Variants in PLPPR1 observed in about 807,000 individuals in gnomAD.
PLPPR1 encodes the protein phospholipid phosphatase related 1.
A neutral mutation model predicts 33.1 loss-of-function variants in PLPPR1; 10 were observed. The ratio of observed to expected loss-of-function variants is 0.30; its 90% CI spans 0.19 to 0.51. The LOEUF (loss-of-function observed/expected upper bound fraction) is 0.51. Ranked by LOEUF, PLPPR1 falls within the 20% of genes least tolerant of loss-of-function variation. The pLI is 0.97. For missense variants in PLPPR1, 304 were observed against 408.1 expected (o/e 0.74, Z 2.20); for synonymous variants, 151 against 151.0 (o/e 1.00, Z 0.00).
intron 2 of PLPPR1, among the ~76,000 whole-genome samples, chr9:101,243,246 GGGA>G (rs1297472689): frequency 1.3e-5 from 2 of 151,916 alleles, no homozygotes; most frequent in African/African-American, 4.8e-5. Flanking sequence ...GTAGGGAGTT[GGGA>G]TTTTTATCCT....
chr9:101,291,029 A>G (rs1055626760), intron 4 of PLPPR1, among the ~76,000 whole-genome samples: 27 of 152,324 alleles, frequency 1.8e-4, no homozygotes, highest in African/African-American at 6.3e-4. Flanking sequence ...TCCCTTTCCT[A>G]GTCAAAGAAA....
intron 1 of PLPPR1, among the ~76,000 whole-genome samples, chr9:101,140,401 G>A (rs945294109): frequency 2.3e-5 from 3 of 128,496 alleles, no homozygotes; most frequent in African/African-American, 8.1e-5. Flanking sequence ...AGCCAGCAAG[G>A]ATAAAATAGC....
chr9:101,291,557 A>G (rs1828509125), intron 4 of PLPPR1, among the ~76,000 whole-genome samples: 1 of 152,204 alleles, frequency 6.6e-6, no homozygotes, highest in Non-Finnish European at 1.5e-5. Context: ...GGGCAGACTG[A>G]CACCTCACAC....
intron 1 of PLPPR1, among the ~76,000 whole-genome samples, chr9:101,110,836 G>A (rs1251088701): frequency 6.6e-6 from 1 of 152,106 alleles, no homozygotes; most frequent in African/African-American, 2.4e-5. Flanking sequence ...AGTTTATAAA[G>A]AGCCTTAAGA....
At chr9:101,053,186 TC>T (rs1403971016) in intron 1 of PLPPR1, among the ~76,000 whole-genome samples, 1 of 152,146 alleles carries the variant, frequency 6.6e-6, no homozygotes, top group Non-Finnish European at 1.5e-5. Context: ...TGCCTACGCT[TC>T]CCATTTCAGT....
intron 1 of PLPPR1, among the ~76,000 whole-genome samples, chr9:101,166,466 CATTCAGACATTAAAGAAAGACAATTAGTA>C (rs1431938617): frequency 2.0e-5 from 3 of 152,092 alleles, no homozygotes; most frequent in East Asian, 1.9e-4. Context: ...CTTAGTAATA[CATTCAGACATTAAAGAAAGACAATTAGTA>C]ATTCAGACAT....
At chr9:101,127,639 G>A (rs944396757) in intron 1 of PLPPR1, among the ~76,000 whole-genome samples, 1 of 152,144 alleles carries the variant, frequency 6.6e-6, no homozygotes, top group Admixed American at 6.5e-5. Context: ...ACATTCCAGA[G>A]CCACGAGCCC....
chr9:101,051,144 A>G (rs1183669226), intron 1 of PLPPR1, among the ~76,000 whole-genome samples: 2 of 152,042 alleles, frequency 1.3e-5, no homozygotes, highest in East Asian at 3.9e-4. Flanking sequence ...CACAACATTC[A>G]GTGTTGTTTC....
intron 1 of PLPPR1, among the ~76,000 whole-genome samples, chr9:101,169,066 A>G (rs1825900711): frequency 6.6e-6 from 1 of 152,182 alleles, no homozygotes; most frequent in Admixed American, 6.6e-5. Flanking sequence ...AATCATATTC[A>G]TTACTTTTAA....
At chr9:101,261,837 C>A (rs1176916005) in intron 2 of PLPPR1, among the ~76,000 whole-genome samples, 1 of 152,048 alleles carries the variant, frequency 6.6e-6, no homozygotes, top group African/African-American at 2.4e-5. Context: ...ACACTAGAAC[C>A]TACTGGAGGG....
chr9:101,131,108 A>G (rs1831308519), intron 1 of PLPPR1, among the ~76,000 whole-genome samples: 1 of 152,212 alleles, frequency 6.6e-6, no homozygotes, highest in African/African-American at 2.4e-5. Flanking sequence ...GGATGAGGCC[A>G]ATTGCATAGT....
chr9:101,194,970 A>G (rs1296070527), intron 2 of PLPPR1, among the ~76,000 whole-genome samples: 2 of 152,188 alleles, frequency 1.3e-5, no homozygotes, highest in African/African-American at 2.4e-5. Flanking sequence ...TAGTTTTGCC[A>G]TAATAACAGA....
chr9:101,208,176 A>T (rs1286935622), intron 2 of PLPPR1, among the ~76,000 whole-genome samples: 2 of 152,134 alleles, frequency 1.3e-5, no homozygotes, highest in African/African-American at 4.8e-5. Context: ...AGGCTGTGAG[A>T]TTTCAATTTT....
chr9:101,243,474 C>G (rs1827521098), intron 2 of PLPPR1, among the ~76,000 whole-genome samples: 2 of 151,892 alleles, frequency 1.3e-5, no homozygotes, highest in Admixed American at 1.3e-4. Flanking sequence ...ATCAGATTTA[C>G]AGTCTGGCTA....
intron 1 of PLPPR1, among the ~76,000 whole-genome samples, chr9:101,076,681 T>C (rs1311047703): frequency 6.6e-6 from 1 of 152,224 alleles, no homozygotes; most frequent in Admixed American, 6.5e-5. Flanking sequence ...CAATTGACTT[T>C]AGCAATGGAA....
chr9:101,123,736 A>C (rs1291929059), intron 1 of PLPPR1, among the ~76,000 whole-genome samples: 1 of 152,188 alleles, frequency 6.6e-6, no homozygotes, highest in Non-Finnish European at 1.5e-5. Flanking sequence ...TTAACTCAAA[A>C]TACAATCAAT....
At chr9:101,246,264 AAGG>A (rs1827610847) in intron 2 of PLPPR1, among the ~76,000 whole-genome samples, 1 of 151,760 alleles carries the variant, frequency 6.6e-6, no homozygotes, top group South Asian at 2.1e-4. Flanking sequence ...CACCCTAAGA[AAGG>A]AGTAGTAGCA....
intron 2 of PLPPR1, among the ~76,000 whole-genome samples, chr9:101,225,511 ACTC>A (rs1190068143): frequency 6.6e-6 from 1 of 151,844 alleles, no homozygotes; most frequent in Non-Finnish European, 1.5e-5. Context: ...TTACCCATAA[ACTC>A]CTGTTTCCCA....
chr9:101,109,462 C>T (rs553752751), intron 1 of PLPPR1, among the ~76,000 whole-genome samples: 3 of 152,226 alleles, frequency 2.0e-5, no homozygotes, highest in South Asian at 4.1e-4. Context: ...CATCATGTTT[C>T]GTATATCTAA....
Sources: allele counts gnomAD v4.1 joint callset (sites outside exome capture counted in the v4.1 genomes callset), GRCh38; gene constraint gnomAD v4.1.1; transcripts MANE v1.5; gene names NCBI Gene and HGNC (gene_info 2026-07-23, HGNC 2026-07-21).